TRPC5: variants seen among roughly 807,000 people sequenced by gnomAD.
TRPC5 encodes short transient receptor potential channel 5.
In TRPC5, 9 loss-of-function variants were observed where a neutral mutation model predicts 56.5. The ratio of observed to expected loss-of-function variants is 0.16; its 90% CI spans 0.10 to 0.28. The LOEUF is 0.28. Ranked by LOEUF, TRPC5 falls within the 10% of genes least tolerant of loss-of-function variation. TRPC5 has a pLI of 1.00. For synonymous variants in TRPC5, 282 were observed against 278.5 expected, an observed-to-expected ratio of 1.01 and a Z score of -0.13; for missense variants, 469 against 748.9, an observed-to-expected ratio of 0.63 and a Z score of 4.36.
chrX:111,847,145 G>A lies in TRPC5; in HGVS notation c.1669C>T (p.Arg557Ter), dbSNP rs2148583598. 2.5e-6 allele frequency: 3 copies of A among 1,211,279 alleles called. No individual in the cohort carries two copies. The highest frequency in any genetic ancestry group is 3.4e-6 in the Non-Finnish European group (3 of 895,260). The stretch of plus-strand genomic sequence containing the variant: ...AAGGCATTGTTCTGTTTCTCACATC[G>A]GATCCCCTTGCAGTTGTTAGGCTCA... Reference protein sequence around the residue: ...IDEPNNCKGIRCEKQNNAFST... With the variant: ...IDEPNNCKGI The change falls in exon 6 of 11, where the codon CGA (arginine) becomes TGA (stop). Residue 557 changes from arginine (R) to a stop codon, truncating the protein, a stop_gained. Transcript: ENST00000262839. LOFTEE classifies it high-confidence loss of function.
chrX:111,989,887 T>TA (rs202140371), intron 1 of TRPC5, among the ~76,000 whole-genome samples: 1,827 of 112,451 alleles, frequency 0.016, 35 homozygotes, highest in African/African-American at 0.055. Flanking sequence ...TATGTAGAAG[T>TA]ATCAAAATGT....
At chrX:112,013,006 G>T (rs975109309) in intron 1 of TRPC5, among the ~76,000 whole-genome samples, 1 of 111,854 alleles carries the variant, frequency 8.9e-6, no homozygotes, top group Non-Finnish European at 1.9e-5. Flanking sequence ...ATTTTGCCGG[G>T]TGCTGGAAAT....
chrX:111,934,768 G>A (rs1926518649), intron 2 of TRPC5, among the ~76,000 whole-genome samples: 1 of 111,731 alleles, frequency 9.0e-6, no homozygotes, highest in African/African-American at 3.3e-5. Context: ...ATGTCCTCCA[G>A]CTCTATCCAG....
chrX:111,896,959 G>C (rs1234026254), intron 3 of TRPC5, among the ~76,000 whole-genome samples: 1 of 111,982 alleles, frequency 8.9e-6, no homozygotes, highest in Non-Finnish European at 1.9e-5. Context: ...AATACTAAAT[G>C]CTTCAAAATC....
At chrX:111,805,384 T>G (rs966202206) in intron 7 of TRPC5, among the ~76,000 whole-genome samples, 2 of 111,467 alleles carry the variant, frequency 1.8e-5, no homozygotes, top group African/African-American at 6.5e-5. Context: ...TTAGGGAGGA[T>G]TCCATCTTTT....
At chrX:112,007,422 A>AT (rs200957242) in intron 1 of TRPC5, among the ~76,000 whole-genome samples, 7 of 111,155 alleles carry the variant, frequency 6.3e-5, no homozygotes, top group Non-Finnish European at 1.1e-4. Flanking sequence ...GATTTAAGAG[A>AT]TTTTTTTAGT....
intron 7 of TRPC5, among the ~76,000 whole-genome samples, chrX:111,808,066 TGG>T (rs1367527330): frequency 9.2e-6 from 1 of 109,182 alleles, no homozygotes; most frequent in Non-Finnish European, 1.9e-5. Flanking sequence ...AGGACTTCCC[TGG>T]GTCAGACCTG....
At chrX:111,823,994 G>A (rs549462715) in intron 7 of TRPC5, among the ~76,000 whole-genome samples, 3 of 111,281 alleles carry the variant, frequency 2.7e-5, no homozygotes, top group African/African-American at 9.8e-5. Flanking sequence ...ACTTTGGGAG[G>A]ATGGGGAGGT....
intron 3 of TRPC5, among the ~76,000 whole-genome samples, chrX:111,897,277 A>G (rs912200258): frequency 8.9e-6 from 1 of 111,737 alleles, no homozygotes; most frequent in African/African-American, 3.2e-5. Context: ...TTGACACACA[A>G]TAGGTCTCCC....
intron 1 of TRPC5, among the ~76,000 whole-genome samples, chrX:111,969,042 T>A (rs1272506841): frequency 9.5e-6 from 1 of 105,778 alleles, no homozygotes; most frequent in African/African-American, 3.4e-5. Context: ...AAAAAATAAA[T>A]AAATAACAAA....
intron 1 of TRPC5, among the ~76,000 whole-genome samples, chrX:112,050,327 G>A (rs1458906730): frequency 1.8e-5 from 2 of 112,750 alleles, no homozygotes; most frequent in South Asian, 3.7e-4. Context: ...TGCCTTAGGC[G>A]ATTATCCCAG....
chrX:112,031,412 T>C (rs1267104234), intron 1 of TRPC5, among the ~76,000 whole-genome samples: 2 of 111,791 alleles, frequency 1.8e-5, no homozygotes, highest in African/African-American at 3.2e-5. Context: ...AGACAGTGCT[T>C]TTATTGTCAT....
chrX:111,932,741 G>C (rs775613822), intron 2 of TRPC5, among the ~76,000 whole-genome samples: 1 of 111,740 alleles, frequency 8.9e-6, no homozygotes, highest in South Asian at 3.8e-4. Context: ...AAAAAAAGAG[G>C]GTGGGCAGAT....
intron 6 of TRPC5, among the ~76,000 whole-genome samples, chrX:111,846,872 G>A (rs3027727): frequency 0.16 from 17,510 of 110,505 alleles, 3,362 homozygotes; most frequent in African/African-American, 0.54. Context: ...GACTTCCTGG[G>A]ATCTCATGTG....
At chrX:111,905,690 G>GCA (rs1925571945) in intron 3 of TRPC5, among the ~76,000 whole-genome samples, 4 of 110,652 alleles carry the variant, frequency 3.6e-5, no homozygotes, top group Non-Finnish European at 5.7e-5. Context: ...CAAGGCAAGT[G>GCA]GATCACGAGG....
chrX:111,935,003 G>C (rs1045156620), intron 2 of TRPC5, among the ~76,000 whole-genome samples: 1 of 111,847 alleles, frequency 8.9e-6, no homozygotes, highest in African/African-American at 3.3e-5. Context: ...GAGAATCCTG[G>C]ATCATATGGT....
chrX:112,048,011 C>T lies in TRPC5; in HGVS notation c.-22+33868G>A, dbSNP rs185441295. On this transcript the variant is annotated intron_variant, in intron 1 of 10. Coordinates refer to ENST00000262839, the MANE Select transcript of TRPC5 (RefSeq NM_012471.3). ...TGTTCATTTCTCTATCTCTAGCACCCAGTATTATGTCTGGCACCTAGTATA... is the reference window on the plus strand; with the variant it reads ...TGTTCATTTCTCTATCTCTAGCACCTAGTATTATGTCTGGCACCTAGTATA... Among the ~76,000 whole-genome samples the T allele has an allele frequency of 3.1e-3, 345 of 112,109 alleles. 8 individuals carry two copies. The highest frequency in any genetic ancestry group is 0.031 in the Admixed American group (324 of 10,540).
chrX:111,990,170 C>A (rs762781987), intron 1 of TRPC5, among the ~76,000 whole-genome samples: 1 of 112,156 alleles, frequency 8.9e-6, no homozygotes, highest in East Asian at 2.8e-4. Flanking sequence ...CTAATCCCAG[C>A]ACTTTGGGAT....
intron 3 of TRPC5, among the ~76,000 whole-genome samples, chrX:111,859,729 C>T (rs1161840411): frequency 8.9e-6 from 1 of 111,967 alleles, no homozygotes; most frequent in Non-Finnish European, 1.9e-5. Context: ...GGGTTTTATT[C>T]GTTCCGTAAG....
Sources: gnomAD v4.1 joint callset for allele counts (sites outside exome capture counted in the v4.1 genomes callset) on GRCh38, gnomAD v4.1.1 for gene constraint, MANE v1.5 for transcripts, NCBI Gene and HGNC (gene_info 2026-07-23, HGNC 2026-07-21) for gene names.